PCSK6: variants seen among roughly 807,000 people sequenced by gnomAD.
The protein encoded by PCSK6 is proprotein convertase subtilisin/kexin type 6, also known as paired basic amino acid cleaving enzyme 4.
A neutral mutation model predicts 123.3 loss-of-function variants in PCSK6; 85 were observed. The observed-to-expected ratio is 0.69, with a 90% CI of 0.58 to 0.83. The LOEUF (loss-of-function observed/expected upper bound fraction) is 0.83, where lower values mean the gene tolerates loss of function less well. PCSK6 is among the 40% of genes least tolerant of loss of function. The pLI, the probability that PCSK6 is intolerant of heterozygous loss-of-function variation, is 0.00. For synonymous variants in PCSK6, 508 were observed against 516.0 expected, an observed-to-expected ratio of 0.98 and a Z score of 0.21; for missense variants, 1,191 against 1,282.3, an observed-to-expected ratio of 0.93 and a Z score of 1.09.
chr15:101,383,585 A>G (rs192743604), intron 10 of PCSK6, among the ~76,000 whole-genome samples: 2 of 152,180 alleles, frequency 1.3e-5, no homozygotes, highest in East Asian at 1.9e-4. Context: ...CCACTGTCCT[A>G]TGATTTACTT....
At chr15:101,462,927 T>C in intron 1 of PCSK6, 1 of 441,202 alleles carries the variant, frequency 2.3e-6, no homozygotes, top group South Asian at 1.6e-5. Context: ...TGGAGAAAGG[T>C]CACCAGCTTG....
chr15:101,329,610 C>G (rs1279851923), intron 15 of PCSK6, among the ~76,000 whole-genome samples: 1 of 152,220 alleles, frequency 6.6e-6, no homozygotes, highest in Non-Finnish European at 1.5e-5. Context: ...CAGACATCAC[C>G]CTCATCCTGT....
At chr15:101,307,767 C>T (rs899493950) in intron 20 of PCSK6, 1 of 176,986 alleles carries the variant, frequency 5.7e-6, no homozygotes, top group East Asian at 1.6e-4. Context: ...ACACACCTGA[C>T]TCGAGCTGAC....
chr15:101,389,611 ACT>A, intron 8 of PCSK6, 47 bp from the exon 9 acceptor site: 1 of 1,486,792 alleles, frequency 6.7e-7, no homozygotes, highest in East Asian at 2.3e-5. Context: ...AGACAGGCTA[ACT>A]CACTCTGTGG....
chr15:101,365,412 G>T (rs1009617493), intron 13 of PCSK6, among the ~76,000 whole-genome samples: 5 of 152,220 alleles, frequency 3.3e-5, no homozygotes, highest in Non-Finnish European at 7.3e-5. Context: ...AATATTAAGT[G>T]TTAACGAGAA....
At chr15:101,333,026 A>G (rs968726081) in intron 13 of PCSK6, among the ~76,000 whole-genome samples, 1 of 152,268 alleles carries the variant, frequency 6.6e-6, no homozygotes, top group Admixed American at 6.5e-5. Context: ...TGAATCCACC[A>G]TAAGTTGAAA....
intron 1 of PCSK6, among the ~76,000 whole-genome samples, chr15:101,460,413 C>T (rs1268702469): frequency 2.0e-5 from 3 of 152,172 alleles, no homozygotes; most frequent in Non-Finnish European, 4.4e-5. Flanking sequence ...CCTCACCCTC[C>T]AGGGCCAGCC....
At chr15:101,316,122 G>A (rs1567138094) in intron 19 of PCSK6, among the ~76,000 whole-genome samples, 1 of 152,334 alleles carries the variant, frequency 6.6e-6, no homozygotes, top group East Asian at 1.9e-4. Flanking sequence ...GTAGGCAGCT[G>A]AGAACAGCTG....
intron 18 of PCSK6, among the ~76,000 whole-genome samples, chr15:101,319,737 A>G (rs1299170107): frequency 6.6e-6 from 1 of 152,226 alleles, no homozygotes; most frequent in African/African-American, 2.4e-5. Flanking sequence ...GTGAACAAGA[A>G]CACAACCACA....
chr15:101,464,229 C>T (rs1359300977), intron 1 of PCSK6, among the ~76,000 whole-genome samples: 2 of 151,996 alleles, frequency 1.3e-5, no homozygotes, highest in Non-Finnish European at 2.9e-5. Context: ...CACCTGGGCC[C>T]ATAAAACAAG....
intron 1 of PCSK6, among the ~76,000 whole-genome samples, chr15:101,488,995 C>A (rs1378586281): frequency 6.7e-6 from 1 of 150,194 alleles, no homozygotes; most frequent in Non-Finnish European, 1.5e-5. Context: ...CAGCGGCGGA[C>A]GGCGCGCGAC....
chr15:101,431,920 G>A, intron 3 of PCSK6, 70 bp downstream of exon 3: 1 of 1,115,618 alleles, frequency 9.0e-7, no homozygotes, highest in South Asian at 1.3e-5. Context: ...TTTGTTGAGG[G>A]AAATTAACCC....
At chr15:101,474,989 C>A (rs1004132933) in intron 1 of PCSK6, among the ~76,000 whole-genome samples, 1 of 152,140 alleles carries the variant, frequency 6.6e-6, no homozygotes, top group African/African-American at 2.4e-5. Flanking sequence ...ATCCATCTGC[C>A]CAAACACACC....
intron 7 of PCSK6, among the ~76,000 whole-genome samples, chr15:101,394,870 C>T (rs998974557): frequency 2.0e-5 from 3 of 152,188 alleles, no homozygotes; most frequent in Admixed American, 6.5e-5. Flanking sequence ...TTAAGGCTGC[C>T]GCGTCCACTC....
At chr15:101,415,089 T>C (rs1443572460) in intron 6 of PCSK6, among the ~76,000 whole-genome samples, 1 of 152,262 alleles carries the variant, frequency 6.6e-6, no homozygotes, top group Non-Finnish European at 1.5e-5. Flanking sequence ...CCTTGTAATG[T>C]ACCTTGTAAA....
At chr15:101,341,132 A>T (rs951260755) in intron 13 of PCSK6, among the ~76,000 whole-genome samples, 8 of 151,390 alleles carry the variant, frequency 5.3e-5, no homozygotes, top group Non-Finnish European at 7.4e-5. Flanking sequence ...ACAGGGTTTC[A>T]CCATGTTGGC....
At chr15:101,312,998 G>A (rs1320120465) in intron 20 of PCSK6, 2 of 1,165,026 alleles carry the variant, frequency 1.7e-6, no homozygotes, top group African/African-American at 3.2e-5. Context: ...GAGTGAGAGT[G>A]TGTCTCCAAA....
chr15:101,384,452 T>C, intron 9 of PCSK6, 27 bp from the exon 10 acceptor site: 2 of 1,590,198 alleles, frequency 1.3e-6, no homozygotes, highest in Non-Finnish European at 1.7e-6. Flanking sequence ...CACCCTAGAG[T>C]CCACACAGCT....
intron 1 of PCSK6, among the ~76,000 whole-genome samples, chr15:101,480,283 C>A (rs7165891): frequency 0.078 from 11,941 of 152,326 alleles, 476 homozygotes; most frequent in East Asian, 0.14. Flanking sequence ...CTAACAGTGA[C>A]AGCCTCTTCC....
Sources: allele counts gnomAD v4.1 joint callset (sites outside exome capture counted in the v4.1 genomes callset), GRCh38; gene constraint gnomAD v4.1.1; transcripts MANE v1.5; gene names NCBI Gene and HGNC (gene_info 2026-07-23, HGNC 2026-07-21).